Variants in HMCN2 observed in about 807,000 individuals in gnomAD.
HMCN2 encodes hemicentin-2.
A neutral mutation model predicts 377.5 loss-of-function variants in HMCN2; 325 were observed. That is an observed-to-expected ratio of 0.86 (90% CI 0.79 to 0.94). The LOEUF is 0.94. Ranked by LOEUF, HMCN2 falls within the 40% of genes least tolerant of loss-of-function variation. The probability of loss-of-function intolerance (pLI) is 0.00; values close to 1 mark genes in which losing one functional copy is unlikely to be tolerated. For synonymous variants in HMCN2, 2,007 were observed against 2,046.8 expected (o/e 0.98, Z 0.53); for missense variants, 4,543 against 4,725.3 (o/e 0.96, Z 1.13).
intron 1 of HMCN2, among the ~76,000 whole-genome samples, chr9:130,274,155 CA>C (rs1490426572): frequency 6.6e-6 from 1 of 151,868 alleles, no homozygotes. Flanking sequence ...CTGGTTCAAG[CA>C]ATTCTCCTGT....
In HMCN2 at chr9:130,369,985, T is replaced by A. The variant is rs550168685; in HGVS notation, c.7069+134T>A. ...GTTCTTTCTGGAGTCAGGGCTCTAA[T>A]GAGAGCTGCTGGTGGGGGGAGCCAC... On this transcript the variant is annotated intron_variant, in intron 45 of 97. Transcript: ENST00000683500. This position sits in a 1 kb window ranked among gnomAD's most constrained non-coding sequence, Gnocchi z 4.5. 12 of 421,802 alleles carry A rather than the reference T, an allele frequency of 2.8e-5. No individual in the cohort carries two copies. The Admixed American group carries it at 7.1e-4, about 25-fold the overall frequency. 26.1% of individuals were successfully genotyped at this position (421,802 alleles called of 1,614,324 possible).
intron 94 of HMCN2, chr9:130,430,023 G>T: frequency 1.7e-6 from 1 of 598,084 alleles, no homozygotes; most frequent in Non-Finnish European, 2.9e-6. Flanking sequence ...TCTAACTGGG[G>T]CACTGAAGGG....
rs1224597246 is a variant in HMCN2 at position 130,424,164 on chromosome 9, TA to T, written c.13382-611del. Reference sequence around the variant, plus strand: ...CCTGGCTAATGTCCATATATATATATATATATTTTTTTTTTTTTTAATTTTT... The same window carrying T: ...CCTGGCTAATGTCCATATATATATATTATATTTTTTTTTTTTTTAATTTTT... On this transcript the variant is annotated intron_variant, in intron 87 of 97. Coordinates refer to ENST00000683500, the MANE Select transcript of HMCN2 (RefSeq NM_001291815.2). Among the ~76,000 whole-genome samples the T allele has an allele frequency of 3.2e-3, 428 of 133,124 alleles. 2 individuals are homozygous for T. Among genetic ancestry groups the T allele is most frequent in the East Asian group, 0.022 (111 of 4,938 alleles). 87.3% of individuals were successfully genotyped at this position (133,124 alleles called of 152,430 possible).
In HMCN2 at chr9:130,385,637, A is replaced by G. The variant is rs756568619; in HGVS notation, c.9184A>G (p.Ser3062Gly). 15 of 1,304,142 alleles carry G rather than the reference A, an allele frequency of 1.2e-5. No homozygotes were observed. The highest frequency in any genetic ancestry group is 1.5e-5 in the Non-Finnish European group (15 of 988,908). The allele number at this position is 1,304,142 out of a possible 1,614,324, so 80.8% of individuals were successfully genotyped here. ...GAGGGTCGGGGACAAAGCTGTCCTG[A>G]GCTGCGAGACAGATGCGCTCCCTGA... ...LVRVGDKAVLSCETDALPEPT... is the reference protein window; with the variant it reads ...LVRVGDKAVLGCETDALPEPT... The change falls in exon 60 of 98, where the codon AGC becomes GGC. Residue 3062 changes from serine (S) to glycine (G), a missense_variant. Transcript: ENST00000683500.
intron 19 of HMCN2, among the ~76,000 whole-genome samples, chr9:130,325,096 C>CTTCTTCTTT (rs1554943189): frequency 3.1e-5 from 4 of 128,084 alleles, no homozygotes; most frequent in East Asian, 2.2e-4. Flanking sequence ...TCTTCTTCTT[C>CTTCTTCTTT]TTTTTTTTTT....
Position 130,408,742 on chromosome 9 carries a change from G to C in HMCN2, c.12689-1G>C, listed in dbSNP as rs542372120. The C allele has an allele frequency of 7.8e-7, 1 of 1,287,352 alleles. No individual in the cohort carries two copies. Among genetic ancestry groups the C allele is most frequent in the South Asian group, 1.2e-5 (1 of 80,864 alleles). The allele number at this position is 1,287,352 out of a possible 1,614,324, so 79.7% of individuals were successfully genotyped here. A position where few individuals can be genotyped will look rare whatever the true frequency, so the allele number is the denominator to read the frequency against. On this transcript the variant is annotated splice_acceptor_variant, in intron 83 of 97. Coordinates refer to ENST00000683500, the MANE Select transcript of HMCN2 (RefSeq NM_001291815.2). LOFTEE classifies it high-confidence loss of function. ...AACTTGCTCGATGTCACCCCATGCA[G>C]AGGCTCCTGTCCTACAAGGGGAGGC...
chr9:130,305,705 T>C (rs1836813336), intron 11 of HMCN2, among the ~76,000 whole-genome samples: 1 of 152,168 alleles, frequency 6.6e-6, no homozygotes, highest in Non-Finnish European at 1.5e-5. Flanking sequence ...GACCAGCCTG[T>C]TGTTCTTAGT....
intron 11 of HMCN2, 72 bp from the exon 12 acceptor site, chr9:130,306,057 G>A (rs190990153): frequency 4.2e-4 from 188 of 452,060 alleles, no homozygotes; most frequent in Admixed American, 1.7e-3. Context: ...GGAAGAGCCC[G>A]GGGCGGGGTG....
At position 130,394,298 on chromosome 9, in the gene HMCN2, C is replaced by T. The variant is rs1053247258; in HGVS notation, c.10502-87C>T. 2 of 861,688 alleles carry T rather than the reference C, an allele frequency of 2.3e-6. No homozygotes were observed. Among genetic ancestry groups the T allele is most frequent in the Middle Eastern group, 2.7e-4 (1 of 3,686 alleles). The allele number at this position is 861,688 out of a possible 1,614,324, so 53.4% of individuals were successfully genotyped here. A position where few individuals can be genotyped will look rare whatever the true frequency, so the allele number is the denominator to read the frequency against. On this transcript the variant is annotated intron_variant, in intron 68 of 97. Coordinates refer to ENST00000683500, the MANE Select transcript of HMCN2 (RefSeq NM_001291815.2). This position sits in a 1 kb window ranked among gnomAD's most constrained non-coding sequence, Gnocchi z 5.1. ...GGGCCACCAAAATGTGGGAGCAGAG[C>T]CCCTGGACTCAGCACAGTGTTTTCA... is the stretch of plus-strand genomic sequence containing the variant.
intron 15 of HMCN2, among the ~76,000 whole-genome samples, chr9:130,312,322 G>A (rs1481666222): frequency 6.6e-6 from 1 of 151,962 alleles, no homozygotes; most frequent in Non-Finnish European, 1.5e-5. Flanking sequence ...TGTGGCACGT[G>A]AGCTGTGATC....
chr9:130,405,149 C>T, intron 81 of HMCN2, 90 bp downstream of exon 81: 1 of 890,788 alleles, frequency 1.1e-6, no homozygotes, highest in Non-Finnish European at 1.4e-6. Flanking sequence ...CAGCCTTTAA[C>T]CCTGGGAGCC....
rs1379875516 is a variant in HMCN2 at position 130,414,331 on chromosome 9, AC to A, written c.12961+3683del. Among the ~76,000 whole-genome samples, 1 of 151,932 alleles carries A rather than the reference AC, an allele frequency of 6.6e-6. No homozygotes were observed. Among genetic ancestry groups the A allele is most frequent in the Non-Finnish European group, 1.5e-5 (1 of 67,992 alleles). ...CACCCATGCTCAGCAGTAATGAGGCACCCCTCCCTGTTCCGGGCTGACCATG... is the reference window on the plus strand; with the variant it reads ...CACCCATGCTCAGCAGTAATGAGGCACCCTCCCTGTTCCGGGCTGACCATG... On this transcript the variant is annotated intron_variant, in intron 85 of 97. Coordinates refer to ENST00000683500, the MANE Select transcript of HMCN2 (RefSeq NM_001291815.2). The surrounding 1 kb of genome is among the most constrained non-coding windows in gnomAD (Gnocchi z 4.4).
chr9:130,319,458 A>G (rs1837733563), intron 15 of HMCN2, 37 bp from the exon 16 acceptor site: 2 of 152,356 alleles, frequency 1.3e-5, no homozygotes, highest in South Asian at 4.1e-4. Context: ...GAGCAGGTCC[A>G]GCCTCCGGGC....
In HMCN2 at chr9:130,360,371, C is replaced by T; in HGVS notation, c.5774-57C>T. On this transcript the variant is annotated intron_variant, in intron 37 of 97. Transcript: ENST00000683500. This position sits in a 1 kb window ranked among gnomAD's most constrained non-coding sequence, Gnocchi z 4.7. ...TTCCTTTCCCCCTTACTTCTCTCTT[C>T]CATTCCCCCTTGCTTCTCTCTTCCT... is the stretch of plus-strand genomic sequence containing the variant. The T allele has an allele frequency of 9.7e-7, 1 of 1,030,152 alleles. No homozygotes were observed. Among genetic ancestry groups the T allele is most frequent in the Non-Finnish European group, 1.2e-6 (1 of 800,910 alleles). The allele number at this position is 1,030,152 out of a possible 1,614,324, so 63.8% of individuals were successfully genotyped here. A position where few individuals can be genotyped will look rare whatever the true frequency, so the allele number is the denominator to read the frequency against.
At chr9:130,371,357 T>C (rs1953156) in intron 46 of HMCN2, among the ~76,000 whole-genome samples, 120,467 of 151,380 alleles carry the variant, frequency 0.8, 50,496 homozygotes, top group Non-Finnish European at 0.93. Flanking sequence ...TCCTGCTCTG[T>C]TCATCTAGAG....
At position 130,429,541 on chromosome 9, in the gene HMCN2, T is replaced by C. The variant is rs751677956; in HGVS notation, c.14198-16T>C. 3.5e-5 allele frequency: 54 copies of C among 1,550,052 alleles called. 1 individual carries two copies. In the South Asian group the frequency reaches 6.1e-4, roughly 17 times the overall value. On this transcript the variant is annotated splice_polypyrimidine_tract_variant and intron_variant, in intron 93 of 97. Transcript: ENST00000683500. Reference sequence around the variant, plus strand: ...GGCTAGACCTCCCCACCACCGACCATGCCCCTGCCTCCCAGATGTGGACGA... The same window carrying C: ...GGCTAGACCTCCCCACCACCGACCACGCCCCTGCCTCCCAGATGTGGACGA...
chr9:130,368,473 A>G (rs1840819202), intron 44 of HMCN2, 36 bp downstream of exon 44: 27 of 979,748 alleles, frequency 2.8e-5, no homozygotes, highest in Non-Finnish European at 3.3e-5. Flanking sequence ...AGGGTCTGGG[A>G]TCATGGACTG....
rs569121545 is a variant in HMCN2, at chr9:130,307,414, G to A, written c.2087-39G>A. 9.1e-5 allele frequency: 43 copies of A among 470,240 alleles called. 2 individuals are homozygous for A. The highest frequency in any genetic ancestry group is 6.4e-4 in the South Asian group (41 of 64,532). 29.1% of individuals were successfully genotyped at this position (470,240 alleles called of 1,614,324 possible). ...GTGGAAGACTTTCTTTATGACCTTTGAAGGTTGGTCCCAAATTCTGCATCT... is the reference window on the plus strand; with the variant it reads ...GTGGAAGACTTTCTTTATGACCTTTAAAGGTTGGTCCCAAATTCTGCATCT... On this transcript the variant is annotated intron_variant, in intron 13 of 97. Coordinates refer to ENST00000683500, the MANE Select transcript of HMCN2 (RefSeq NM_001291815.2).
rs1844302840 is a variant in HMCN2, at chr9:130,425,709, A to T, written c.13664A>T (p.Gln4555Leu). The T allele has an allele frequency of 1.3e-6, 2 of 1,526,792 alleles. No individual in the cohort carries two copies. 94.6% of individuals were successfully genotyped at this position (1,526,792 alleles called of 1,614,324 possible). The change falls in exon 90 of 98, where the codon CAA becomes CTA. Residue 4555 changes from glutamine to leucine, a missense_variant. By Grantham distance (113) the Gln-to-Leu change is moderately radical. This residue lies in a region of HMCN2 where 1,155 missense variants were observed against 1,157.7 expected (regional missense o/e 1.00). Transcript: ENST00000683500. ...QVQDFEEHYV[Q>L]TGPGQLFVGS... ...CAGGACTTTGAGGAGCACTACGTGCAAACAGGGCCTGGCCAGCTGTTCGTG... is the reference window on the plus strand; with the variant it reads ...CAGGACTTTGAGGAGCACTACGTGCTAACAGGGCCTGGCCAGCTGTTCGTG...
Sources: gnomAD v4.1 joint callset for allele counts (sites outside exome capture counted in the v4.1 genomes callset) on GRCh38, gnomAD v4.1.1 for gene constraint, gnomAD v4.1.1 regional missense constraint, Gnocchi (gnomAD v3.1) non-coding constraint, MANE v1.5 for transcripts, NCBI Gene and HGNC (gene_info 2026-07-23, HGNC 2026-07-21) for gene names.